TRAPPC9: variants seen among roughly 807,000 people sequenced by gnomAD.
The protein encoded by TRAPPC9 is IKK2 binding protein.
Under a neutral mutation model 124.0 loss-of-function variants are expected in TRAPPC9, and 83 were observed. The ratio of observed to expected loss-of-function variants is 0.67; its 90% confidence interval spans 0.56 to 0.80. The LOEUF (loss-of-function observed/expected upper bound fraction) is 0.80, where lower values mean the gene tolerates loss of function less well. Ranked by LOEUF, TRAPPC9 falls within the 30% of genes least tolerant of loss-of-function variation. The pLI is 0.00. For missense variants in TRAPPC9, 1,302 were observed against 1,508.3 expected (o/e 0.86, Z 2.27); for synonymous variants, 638 against 617.5 (o/e 1.03, Z -0.49).
chr8:140,414,587 T>C (rs1473054336), intron 5 of TRAPPC9, among the ~76,000 whole-genome samples: 1 of 152,130 alleles, frequency 6.6e-6, no homozygotes, highest in African/African-American at 2.4e-5. Context: ...AAATGTGTTC[T>C]CCAACCACAA....
chr8:140,171,590 T>C (rs762671101), intron 17 of TRAPPC9, among the ~76,000 whole-genome samples: 16 of 152,276 alleles, frequency 1.1e-4, no homozygotes, highest in Middle Eastern at 3.4e-3. Flanking sequence ...GGGATAAAAG[T>C]ACCTGTCGAG....
At position 140,209,934 on chromosome 8, in the gene TRAPPC9, A is replaced by G. The variant is rs551252593; in HGVS notation, c.2556+11525T>C. Among the ~76,000 whole-genome samples, 13 of 152,362 alleles carry G rather than the reference A, an allele frequency of 8.5e-5. No homozygotes were observed. In the South Asian group the frequency reaches 2.1e-3, roughly 24 times the overall value. Reference sequence around the variant, plus strand: ...TGGATTCAGACATATCCTGATTTGAATTTTAACTTCTACTTAGTAACTGCT... The same window carrying G: ...TGGATTCAGACATATCCTGATTTGAGTTTTAACTTCTACTTAGTAACTGCT... On this transcript the variant is annotated intron_variant, in intron 17 of 22. Coordinates refer to ENST00000438773, the MANE Select transcript of TRAPPC9 (RefSeq NM_001160372.4).
At chr8:140,440,363 C>T (rs181188327) in intron 2 of TRAPPC9, among the ~76,000 whole-genome samples, 2 of 152,154 alleles carry the variant, frequency 1.3e-5, no homozygotes, top group African/African-American at 2.4e-5. Context: ...AAAAATTAGC[C>T]GGGCGTGGTG....
chr8:139,744,665 G>A lies in TRAPPC9; in HGVS notation c.3056-12463C>T, dbSNP rs191317011. ...GAGCTTCGCTCTCAATCCACCAAAT[G>A]GCATGCGTTTTTAACAGTTACTGAG... On this transcript the variant is annotated intron_variant, in intron 21 of 22. Coordinates refer to ENST00000438773, the MANE Select transcript of TRAPPC9 (RefSeq NM_001160372.4). 1.8e-3 allele frequency among the ~76,000 whole-genome samples: 272 copies of A among 152,278 alleles called. 3 individuals carry two copies. Among genetic ancestry groups the A allele is most frequent in the Non-Finnish European group, 1.2e-3 (84 of 68,034 alleles).
intron 17 of TRAPPC9, among the ~76,000 whole-genome samples, chr8:140,122,707 G>A (rs751423946): frequency 1.3e-4 from 20 of 152,134 alleles, no homozygotes; most frequent in African/African-American, 3.4e-4. Context: ...AGTAGGGAGC[G>A]GCAGAGAGGA....
intron 21 of TRAPPC9, among the ~76,000 whole-genome samples, chr8:139,850,097 C>T (rs1031723270): frequency 6.6e-6 from 1 of 152,208 alleles, no homozygotes; most frequent in African/African-American, 2.4e-5. Flanking sequence ...AGCCCCTTCT[C>T]AGTGCTCCCC....
intron 21 of TRAPPC9, among the ~76,000 whole-genome samples, chr8:139,739,739 G>A (rs555842200): frequency 2.0e-5 from 3 of 152,332 alleles, no homozygotes; most frequent in Admixed American, 2.0e-4. Flanking sequence ...GATCTGAAGC[G>A]ACCTTGTTTA....
At chr8:140,115,731 C>CG (rs2060871094) in intron 17 of TRAPPC9, among the ~76,000 whole-genome samples, 1 of 152,056 alleles carries the variant, frequency 6.6e-6, no homozygotes, top group African/African-American at 2.4e-5. Context: ...AGCAGCCTGG[C>CG]GAAGGGGAGA....
intron 21 of TRAPPC9, among the ~76,000 whole-genome samples, chr8:139,820,222 C>T (rs568535250): frequency 2.2e-4 from 34 of 151,720 alleles, no homozygotes; most frequent in African/African-American, 7.5e-4. Flanking sequence ...ACTTTGCCAC[C>T]CAGGCTGGAG....
At chr8:139,963,974 C>CAGCACTTTGGGAGGCCG (rs1467019868) in intron 19 of TRAPPC9, among the ~76,000 whole-genome samples, 3 of 152,038 alleles carry the variant, frequency 2.0e-5, no homozygotes, top group Non-Finnish European at 4.4e-5. Context: ...CCTGTAATCC[C>CAGCACTTTGGGAGGCCG]AGCACTTTGG....
At chr8:140,173,554 A>C (rs11166959) in intron 17 of TRAPPC9, among the ~76,000 whole-genome samples, 21,394 of 69,122 alleles carry the variant, frequency 0.31, 1,525 homozygotes, top group East Asian at 0.59. Flanking sequence ...ACTCTGTCTC[A>C]AAAAAAAAAA....
chr8:139,982,594 T>A (rs1836985324), intron 19 of TRAPPC9, among the ~76,000 whole-genome samples: 1 of 152,122 alleles, frequency 6.6e-6, no homozygotes, highest in African/African-American at 2.4e-5. Context: ...ACAAATCACA[T>A]CTGGCAAAAG....
chr8:140,315,541 G>C (rs371255136), intron 9 of TRAPPC9, among the ~76,000 whole-genome samples: 1 of 151,946 alleles, frequency 6.6e-6, no homozygotes. Context: ...AGGAAATATT[G>C]TTTGGAAAAT....
At chr8:139,849,434 G>A (rs915946328) in intron 21 of TRAPPC9, among the ~76,000 whole-genome samples, 3 of 152,250 alleles carry the variant, frequency 2.0e-5, no homozygotes, top group African/African-American at 4.8e-5. Flanking sequence ...ACCAGAACAG[G>A]TGTAGCTGCT....
chr8:139,976,823 C>A (rs950747290), intron 19 of TRAPPC9, among the ~76,000 whole-genome samples: 5 of 152,204 alleles, frequency 3.3e-5, no homozygotes, highest in African/African-American at 1.2e-4. Flanking sequence ...CTCACAGGCA[C>A]CTGGAAGGCA....
chr8:140,306,259 G>T (rs774777556), intron 10 of TRAPPC9, among the ~76,000 whole-genome samples: 6 of 152,094 alleles, frequency 3.9e-5, no homozygotes, highest in Admixed American at 1.3e-4. Flanking sequence ...ACTTTGGGAG[G>T]CCAAGGCGGG....
At chr8:140,078,472 C>T (rs559848626) in intron 17 of TRAPPC9, among the ~76,000 whole-genome samples, 27 of 151,910 alleles carry the variant, frequency 1.8e-4, no homozygotes, top group Non-Finnish European at 2.9e-4. Context: ...TGGCTGAACA[C>T]GGGGGAGGGC....
At chr8:139,804,891 G>A (rs1466061088) in intron 21 of TRAPPC9, among the ~76,000 whole-genome samples, 1 of 152,190 alleles carries the variant, frequency 6.6e-6, no homozygotes, top group Admixed American at 6.5e-5. Context: ...CTGTATGGGA[G>A]GAGTATAAAA....
rs531444915 is a variant in TRAPPC9, at chr8:140,434,185, G to C, written c.859+927C>G. On this transcript the variant is annotated intron_variant, in intron 4 of 22. Coordinates refer to ENST00000438773, the MANE Select transcript of TRAPPC9 (RefSeq NM_001160372.4). ...ATCCGTGCCCTTGAGCCCGCTGCTC[G>C]GCCCACTCCCACACTGTGGAGTGTA... Among the ~76,000 whole-genome samples, 77 of 152,212 alleles carry C rather than the reference G, an allele frequency of 5.1e-4. 3 individuals carry two copies. The South Asian group carries it at 0.016, about 31-fold the overall frequency.
Sources: allele counts gnomAD v4.1 joint callset (sites outside exome capture counted in the v4.1 genomes callset), GRCh38; gene constraint gnomAD v4.1.1; transcripts MANE v1.5; gene names NCBI Gene and HGNC (gene_info 2026-07-23, HGNC 2026-07-21).